The following PGM3 variants were observed in gnomAD, a reference collection of about 807,000 sequenced individuals.
PGM3 encodes phosphoglucomutase 3, also known as phosphoacetylglucosamine mutase.
Under a neutral mutation model 66.2 loss-of-function variants are expected in PGM3, and 40 were observed. The ratio of observed to expected loss-of-function variants is 0.60; its 90% CI spans 0.47 to 0.79. PGM3 has a LOEUF of 0.79. PGM3 is among the 30% of genes least tolerant of loss of function. The pLI is 0.00. For missense variants in PGM3, 537 were observed against 643.4 expected (o/e 0.83, Z 1.79); for synonymous variants, 191 against 224.2 (o/e 0.85, Z 1.32).
At chr6:83,154,061 T>C in the PGM3 span, 7 of 1,613,716 alleles carry the variant, frequency 4.3e-6, no homozygotes, top group Non-Finnish European at 5.9e-6. Context: ...GCCCTCTTAT[T>C]TGTATTCAGC....
At chr6:83,153,426 G>T in the PGM3 span, 1 of 820,214 alleles carries the variant, frequency 1.2e-6, no homozygotes, top group Non-Finnish European at 1.8e-6. Flanking sequence ...AGTAGTCTAG[G>T]TTTTCTAACA....
intron 4 of PGM3, among the ~76,000 whole-genome samples, 193 bp from the exon 5 acceptor site, chr6:83,183,171 A>G (rs1207454920): frequency 6.6e-6 from 1 of 152,264 alleles, no homozygotes; most frequent in Non-Finnish European, 1.5e-5. Flanking sequence ...CATTACATAT[A>G]AACAGGTAAC....
At chr6:83,156,070 G>C in the PGM3 span, 2 of 1,613,790 alleles carry the variant, frequency 1.2e-6, no homozygotes, top group Non-Finnish European at 1.7e-6. Context: ...CAGTGAAATT[G>C]ACCAGTACCA....
downstream of PGM3, chr6:83,162,669 C>A: frequency 8.9e-7 from 1 of 1,124,598 alleles, no homozygotes; most frequent in Non-Finnish European, 1.2e-6. Context: ...ACGAGTGGCA[C>A]ATCTGGCATT....
chr6:83,190,847 TG>T lies in PGM3; in HGVS notation c.165del (p.Thr56LeufsTer2). The T allele has an allele frequency of 6.2e-7, 1 of 1,614,064 alleles. No homozygotes were observed. Among genetic ancestry groups the T allele is most frequent in the Non-Finnish European group, 8.5e-7 (1 of 1,179,956 alleles). On this transcript the variant is annotated frameshift_variant, in exon 2 of 13. Transcript: ENST00000513973. LOFTEE classifies it high-confidence loss of function. ...GACGCTGTTACCATGACTCCTATAG[TG>T]GATTTTGTCTGTTTTGACCTCAGGA... is the stretch of plus-strand genomic sequence containing the variant. ...LAVLRSKQTKSTIGVMVTASH... is the reference protein window; with the variant it reads ...LAVLRSKQTKXTIGVMVTASH...
chr6:83,162,931 T>C (rs371713936), downstream of PGM3: 3 of 1,607,156 alleles, frequency 1.9e-6, no homozygotes, highest in African/African-American at 4.0e-5. Flanking sequence ...TATCGCATTC[T>C]TTTGTGATTG....
rs1045115025 is a variant in PGM3, at chr6:83,168,680, T to C, written c.*554A>G. 1.3e-4 allele frequency: 127 copies of C among 994,818 alleles called. No homozygotes were observed. The highest frequency in any genetic ancestry group is 1.5e-4 in the Non-Finnish European group (122 of 835,666). 61.6% of individuals were successfully genotyped at this position (994,818 alleles called of 1,614,324 possible). On this transcript the variant is annotated 3_prime_UTR_variant, in exon 13 of 13. Transcript: ENST00000513973. ...CATCCTTAAAAGTATTGCATGAGCA[T>C]CTCCACCTCAGTATGGAAGAGGGAT...
At chr6:83,151,875 T>G in the PGM3 span, 3 of 1,613,078 alleles carry the variant, frequency 1.9e-6, no homozygotes, top group Non-Finnish European at 2.5e-6. Context: ...TCTTCCTTAT[T>G]TTTTTAGGAT....
chr6:83,176,017 T>A lies in PGM3; in HGVS notation c.1073A>T (p.His358Leu). ...CTKTGVKHLHHKAQEFDIGVY... is the reference protein window; with the variant it reads ...CTKTGVKHLHLKAQEFDIGVY... ...TCCAATGTCAAACTCTTGAGCCTTG[T>A]GGTGCAAATGTTTTACACCAGTCTT... The change falls in exon 9 of 13, where the codon CAC (histidine) becomes CTC (leucine). Residue 358 changes from histidine (H) to leucine (L), a missense_variant. His to Leu is a moderately conservative substitution (Grantham distance 99). Transcript: ENST00000513973. 1 of 1,611,910 alleles carries A rather than the reference T, an allele frequency of 6.2e-7. No individual in the cohort carries two copies. The highest frequency in any genetic ancestry group is 8.5e-7 in the Non-Finnish European group (1 of 1,178,014).
At chr6:83,160,557 G>A (rs748330437), downstream of PGM3, among the ~76,000 whole-genome samples, 14 of 152,220 alleles carry the variant, frequency 9.2e-5, no homozygotes, top group Admixed American at 1.3e-4. Context: ...TTTTGGCTAT[G>A]TAGTGTGGAG....
chr6:83,191,163 G>T (rs563645147), intron 1 of PGM3, 149 bp from the exon 2 acceptor site: 1 of 1,507,386 alleles, frequency 6.6e-7, no homozygotes, highest in Admixed American at 2.0e-5. Flanking sequence ...GGGCAGGAGA[G>T]TAAGTCCTGT....
intron 1 of PGM3, 112 bp from the exon 2 acceptor site, chr6:83,191,126 A>C: frequency 6.8e-7 from 1 of 1,471,142 alleles, no homozygotes; most frequent in Non-Finnish European, 9.2e-7. Context: ...GAACCTCCTC[A>C]AAGAACCCTA....
downstream of PGM3, chr6:83,164,822 G>A (rs1334597227): frequency 9.1e-6 from 8 of 878,910 alleles, no homozygotes; most frequent in Admixed American, 2.0e-4. Flanking sequence ...GAGGTAAACA[G>A]GAAGGAAGTC....
intron 6 of PGM3, among the ~76,000 whole-genome samples, chr6:83,180,323 T>TAATC (rs1460948206): frequency 6.6e-6 from 1 of 152,144 alleles, no homozygotes; most frequent in Non-Finnish European, 1.5e-5. Context: ...ATAGAAAAAA[T>TAATC]AATCAGCACT....
intron 8 of PGM3, among the ~76,000 whole-genome samples, chr6:83,177,482 G>GAATA (rs1413498985): frequency 6.6e-6 from 1 of 152,064 alleles, no homozygotes; most frequent in Non-Finnish European, 1.5e-5. Flanking sequence ...TTTTATTACT[G>GAATA]AATAAGTATT....
At chr6:83,187,370 C>A (rs1000512043) in intron 3 of PGM3, among the ~76,000 whole-genome samples, 1 of 152,202 alleles carries the variant, frequency 6.6e-6, no homozygotes, top group Non-Finnish European at 1.5e-5. Flanking sequence ...ACTACAGCAA[C>A]ATGTCTGAAC....
At position 83,167,701 on chromosome 6, in the gene PGM3, G is replaced by A; in HGVS notation, c.*1533C>T. On this transcript the variant is annotated 3_prime_UTR_variant, in exon 13 of 13. Transcript: ENST00000513973. ...TAAAACTAATAAATGGCAGTAAAAG[G>A]TCTCAGAAGCACCAAGGGTTTTGAT... The A allele has an allele frequency of 7.2e-7, 1 of 1,393,290 alleles. No homozygotes were observed. The allele number at this position is 1,393,290 out of a possible 1,614,324, so 86.3% of individuals were successfully genotyped here. A position where few individuals can be genotyped will look rare whatever the true frequency, so the allele number is the denominator to read the frequency against.
rs1270896462 is a variant in PGM3 at position 83,180,017 on chromosome 6, A to T, written c.788-50T>A. 4 of 1,411,892 alleles carry T rather than the reference A, an allele frequency of 2.8e-6. No individual in the cohort carries two copies. The South Asian group carries it at 5.6e-5, about 20-fold the overall frequency. The allele number at this position is 1,411,892 out of a possible 1,614,324, so 87.5% of individuals were successfully genotyped here. A position where few individuals can be genotyped will look rare whatever the true frequency, so the allele number is the denominator to read the frequency against. ...GCATTTCAGTCTAAGAATTTATTAT[A>T]AAGAGTTTTAGAATTTTCTCTTAAA... On this transcript the variant is annotated intron_variant, in intron 6 of 12. Coordinates refer to ENST00000513973, the MANE Select transcript of PGM3 (RefSeq NM_015599.3).
the PGM3 span, chr6:83,152,203 A>T: frequency 3.9e-6 from 3 of 769,346 alleles, no homozygotes; most frequent in Non-Finnish European, 5.8e-6. Flanking sequence ...ATACATATAT[A>T]AAAATAATAC....
Sources: allele counts gnomAD v4.1 joint callset (sites outside exome capture counted in the v4.1 genomes callset), GRCh38; gene constraint gnomAD v4.1.1; transcripts MANE v1.5; gene names NCBI Gene and HGNC (gene_info 2026-07-23, HGNC 2026-07-21).